The following RAI14 variants were observed in gnomAD, a reference collection of about 807,000 sequenced individuals.
RAI14 encodes the protein retinoic acid induced 14, also known as ankycorbin.
Under a neutral mutation model 115.4 loss-of-function variants are expected in RAI14, and 45 were observed. The ratio of observed to expected loss-of-function variants is 0.39; its 90% confidence interval spans 0.31 to 0.50. The LOEUF is 0.50. Ranked by LOEUF, RAI14 falls within the 20% of genes least tolerant of loss-of-function variation. RAI14 has a pLI of 0.85. For synonymous variants in RAI14, 371 were observed against 415.4 expected, an observed-to-expected ratio of 0.89 and a Z score of 1.30; for missense variants, 939 against 1,131.2, an observed-to-expected ratio of 0.83 and a Z score of 2.44.
chr5:34,805,206 C>T (rs1204187692), intron 5 of RAI14, among the ~76,000 whole-genome samples: 2 of 152,150 alleles, frequency 1.3e-5, no homozygotes, highest in Non-Finnish European at 2.9e-5. Flanking sequence ...CCTCCTCTCA[C>T]TGCCAAACCA....
chr5:34,723,792 A>G (rs1743105825), intron 2 of RAI14, among the ~76,000 whole-genome samples: 1 of 152,196 alleles, frequency 6.6e-6, no homozygotes, highest in Non-Finnish European at 1.5e-5. Flanking sequence ...TGAGTTGACC[A>G]TATATTTAGT....
chr5:34,779,486 C>T (rs1320989289), intron 3 of RAI14, among the ~76,000 whole-genome samples: 1 of 152,174 alleles, frequency 6.6e-6, no homozygotes, highest in African/African-American at 2.4e-5. Context: ...ATCGTCTCAG[C>T]CCAAAATCTC....
chr5:34,687,609 G>A lies in RAI14; in HGVS notation c.36+654G>A, dbSNP rs963509717. The A allele has an allele frequency of 3.9e-6, 6 of 1,520,456 alleles. No individual in the cohort carries two copies. In the African/African-American group the frequency reaches 8.4e-5, roughly 21 times the overall value. 94.2% of individuals were successfully genotyped at this position (1,520,456 alleles called of 1,614,324 possible). A position where few individuals can be genotyped will look rare whatever the true frequency, so the allele number is the denominator to read the frequency against. ...GTACACGATAATATTTTTTTAAAAG[G>A]TCACCCCATAAACCCTTCTATGATC... On this transcript the variant is annotated intron_variant, in intron 2 of 17. Coordinates refer to ENST00000265109, the MANE Select transcript of RAI14 (RefSeq NM_015577.3).
At chr5:34,760,865 A>G (rs1748556971) in intron 3 of RAI14, among the ~76,000 whole-genome samples, 1 of 152,146 alleles carries the variant, frequency 6.6e-6, no homozygotes, top group Non-Finnish European at 1.5e-5. Context: ...AACCCAAAGA[A>G]AACCCCGAAC....
intron 3 of RAI14, among the ~76,000 whole-genome samples, chr5:34,771,278 G>A (rs1750122951): frequency 6.6e-6 from 1 of 152,192 alleles, no homozygotes; most frequent in Non-Finnish European, 1.5e-5. Context: ...GTCGTGTATG[G>A]TCATTTCTTT....
At chr5:34,706,519 A>T (rs939776773) in intron 2 of RAI14, among the ~76,000 whole-genome samples, 3 of 152,222 alleles carry the variant, frequency 2.0e-5, no homozygotes, top group African/African-American at 7.2e-5. Context: ...ATACTTAGAC[A>T]TTCATGTTAA....
intron 3 of RAI14, among the ~76,000 whole-genome samples, chr5:34,775,323 A>G (rs935890367): frequency 1.3e-5 from 2 of 152,200 alleles, no homozygotes; most frequent in African/African-American, 4.8e-5. Flanking sequence ...CAAAGAGATA[A>G]CCCACAGAAT....
intron 3 of RAI14, among the ~76,000 whole-genome samples, chr5:34,767,282 T>C (rs1749526700): frequency 1.3e-5 from 2 of 152,162 alleles, no homozygotes; most frequent in South Asian, 4.1e-4. Flanking sequence ...CCTCTCTCTG[T>C]TCCCTCCACT....
chr5:34,687,960 C>A, intron 2 of RAI14: 1 of 1,064,006 alleles, frequency 9.4e-7, no homozygotes, highest in Non-Finnish European at 1.3e-6. Context: ...CCTGATAAAA[C>A]CCAGGCTAGA....
chr5:34,692,326 C>T lies in RAI14; in HGVS notation c.36+5371C>T, dbSNP rs1248484839. 8.6e-5 allele frequency among the ~76,000 whole-genome samples: 13 copies of T among 151,542 alleles called. No individual in the cohort carries two copies. In the East Asian group the frequency reaches 1.7e-3, roughly 20 times the overall value. ...GAGGATCAACAACCAACTCTACCAA[C>T]GTATTTTTTTCAAGGAGTTTTTAGT... On this transcript the variant is annotated intron_variant, in intron 2 of 17. Transcript: ENST00000265109.
At position 34,737,764 on chromosome 5, in the gene RAI14, CAAAA is replaced by C. The variant is rs1222192137; in HGVS notation, c.37-19701_37-19698del. Among the ~76,000 whole-genome samples the C allele has an allele frequency of 2.0e-5, 3 of 151,928 alleles. No homozygotes were observed. In the East Asian group the frequency reaches 5.8e-4, roughly 29 times the overall value. On this transcript the variant is annotated intron_variant, in intron 2 of 17. Coordinates refer to ENST00000265109, the MANE Select transcript of RAI14 (RefSeq NM_015577.3). ...ACAGAGTGAGACCCTCTCTCAAAAA[CAAAA>C]AACAAAACCAAAAAAAGCTTCAAAA... is the stretch of plus-strand genomic sequence containing the variant.
chr5:34,777,823 A>G (rs553746022), intron 3 of RAI14, among the ~76,000 whole-genome samples: 1 of 152,018 alleles, frequency 6.6e-6, no homozygotes, highest in East Asian at 1.9e-4. Context: ...ATGAAGACAG[A>G]GAATAGAATG....
At position 34,807,806 on chromosome 5, in the gene RAI14, T is replaced by C. The variant is rs1755105201; in HGVS notation, c.328T>C (p.Cys110Arg). ...ATTTATTTTTGTCTTATAGTCTAAA[T>C]GCCCAGCCGAAAGTGTCGACAGCTC... ...ECIRKLLQSK[C>R]PAESVDSSGK... Residue 110 changes from cysteine (C) to arginine (R), a missense_variant, in exon 6 of 18, where the codon TGC becomes CGC. Cys to Arg is a radical substitution (Grantham distance 180). Transcript: ENST00000265109. The C allele has an allele frequency of 1.2e-6, 2 of 1,608,904 alleles. No homozygotes were observed. Among genetic ancestry groups the C allele is most frequent in the Non-Finnish European group, 1.7e-6 (2 of 1,175,210 alleles).
chr5:34,768,111 A>G (rs1749657588), intron 3 of RAI14, among the ~76,000 whole-genome samples: 1 of 152,040 alleles, frequency 6.6e-6, no homozygotes, highest in African/African-American at 2.4e-5. Context: ...GAGGCTGTAC[A>G]CTGCAAAGCC....
chr5:34,795,165 T>C (rs570581949), intron 3 of RAI14, among the ~76,000 whole-genome samples: 9 of 152,342 alleles, frequency 5.9e-5, no homozygotes, highest in African/African-American at 2.2e-4. Flanking sequence ...ATGATTGAAT[T>C]GGCATTTGGA....
chr5:34,756,153 A>G (rs1481948940), intron 2 of RAI14, among the ~76,000 whole-genome samples: 1 of 152,192 alleles, frequency 6.6e-6, no homozygotes, highest in Non-Finnish European at 1.5e-5. Flanking sequence ...CATATGGGCT[A>G]GGGTTGGGAG....
chr5:34,744,498 C>T (rs1207622254), intron 2 of RAI14, among the ~76,000 whole-genome samples: 1 of 152,122 alleles, frequency 6.6e-6, no homozygotes, highest in African/African-American at 2.4e-5. Context: ...CCCCAGTGAC[C>T]ACTGTGCTGT....
intron 3 of RAI14, among the ~76,000 whole-genome samples, chr5:34,786,738 C>T (rs920958439): frequency 3.9e-5 from 6 of 152,132 alleles, no homozygotes; most frequent in African/African-American, 1.4e-4. Context: ...CCACGTTGGG[C>T]ACCACTTGCC....
rs566862592 is a variant in RAI14, at chr5:34,781,992, G to A, written c.168-13947G>A. ...CCTTATGGGAAATATAGGGATGGGC[G>A]GAAATAAAGGGATGGGTCTGGGTAG... On this transcript the variant is annotated intron_variant, in intron 3 of 17. Transcript: ENST00000265109. Among the ~76,000 whole-genome samples, 9 of 152,300 alleles carry A rather than the reference G, an allele frequency of 5.9e-5. No homozygotes were observed. The South Asian group carries it at 8.3e-4, about 14-fold the overall frequency.
Sources: allele counts gnomAD v4.1 joint callset (sites outside exome capture counted in the v4.1 genomes callset), GRCh38; gene constraint gnomAD v4.1.1; transcripts MANE v1.5; gene names NCBI Gene and HGNC (gene_info 2026-07-23, HGNC 2026-07-21).